TSPEAR: variants seen among roughly 807,000 people sequenced by gnomAD.
TSPEAR encodes thrombospondin-type laminin G domain and EAR repeat-containing protein.
In TSPEAR, 69 loss-of-function variants were observed where a neutral mutation model predicts 71.6. That is an observed-to-expected ratio of 0.96 (90% CI 0.79 to 1.18). The LOEUF is 1.18. Ranked by LOEUF, TSPEAR falls within the 50% of genes most tolerant of loss-of-function variation. TSPEAR has a pLI of 0.00. For synonymous variants in TSPEAR, 402 were observed against 387.2 expected (o/e 1.04, Z -0.45); for missense variants, 971 against 894.9 (o/e 1.09, Z -1.09).
chr21:44,508,170 C>T (rs1053228808), intron 10 of TSPEAR: 4 of 153,126 alleles, frequency 2.6e-5, no homozygotes, highest in Admixed American at 1.3e-4. Flanking sequence ...TCTGCACGTC[C>T]GTGGGCACGC....
intron 1 of TSPEAR, among the ~76,000 whole-genome samples, chr21:44,649,569 C>T (rs1984650197): frequency 6.6e-6 from 1 of 152,232 alleles, no homozygotes; most frequent in Admixed American, 6.5e-5. Flanking sequence ...CCGTGTGGCC[C>T]ACACGCATGC....
At chr21:44,682,340 A>G (rs1029047678) in intron 1 of TSPEAR, among the ~76,000 whole-genome samples, 4 of 152,042 alleles carry the variant, frequency 2.6e-5, no homozygotes, top group Non-Finnish European at 5.9e-5. Flanking sequence ...GACTAATTGC[A>G]CCCTCTTCAA....
intron 1 of TSPEAR, among the ~76,000 whole-genome samples, chr21:44,709,095 C>A (rs1988085430): frequency 6.6e-6 from 1 of 152,018 alleles, no homozygotes; most frequent in African/African-American, 2.4e-5. Context: ...GCACTCCCAG[C>A]CTCCCAGCCT....
At position 44,687,962 on chromosome 21, in the gene TSPEAR, C is replaced by T. The variant is rs1472281009; in HGVS notation, c.82+23471G>A. ...AGAGGCCGGCTCGGGGGTGAGTATCCGATCAAGCACAGTGAGTGACGTGCC... is the reference window on the plus strand; with the variant it reads ...AGAGGCCGGCTCGGGGGTGAGTATCTGATCAAGCACAGTGAGTGACGTGCC... On this transcript the variant is annotated intron_variant, in intron 1 of 11. Coordinates refer to ENST00000323084, the MANE Select transcript of TSPEAR (RefSeq NM_144991.3). The surrounding 1 kb of genome is among the most constrained non-coding windows in gnomAD (Gnocchi z 4.4). Among the ~76,000 whole-genome samples, 1 of 152,148 alleles carries T rather than the reference C, an allele frequency of 6.6e-6. No individual in the cohort carries two copies. Among genetic ancestry groups the T allele is most frequent in the Admixed American group, 6.5e-5 (1 of 15,280 alleles).
chr21:44,531,579 G>T (rs782388910), intron 3 of TSPEAR, among the ~76,000 whole-genome samples: 154 of 150,478 alleles, frequency 1.0e-3, no homozygotes, highest in Non-Finnish European at 1.8e-3. Flanking sequence ...ATGAATTCGG[G>T]GGGGGCACTT....
intron 11 of TSPEAR, among the ~76,000 whole-genome samples, chr21:44,504,535 G>GTA (rs2052149730): frequency 7.7e-6 from 1 of 129,220 alleles, no homozygotes; most frequent in African/African-American, 3.4e-5. Flanking sequence ...CGGCCTCGGT[G>GTA]AGCCCACAGT....
chr21:44,518,470 G>A lies in TSPEAR; in HGVS notation c.1566+3413C>T, dbSNP rs1183687487. 7.9e-6 allele frequency: 3 copies of A among 379,036 alleles called. No individual in the cohort carries two copies. In the Admixed American group the frequency reaches 1.1e-4, roughly 13 times the overall value. The allele number at this position is 379,036 out of a possible 1,614,324, so 23.5% of individuals were successfully genotyped here. ...GATCTAGGATGATAATCTCCAAAAC[G>A]CACTCCCCAACCCACTGCAGGGATC... On this transcript the variant is annotated intron_variant, in intron 9 of 11. Transcript: ENST00000323084.
At chr21:44,536,142 T>G (rs2053087275) in intron 2 of TSPEAR, among the ~76,000 whole-genome samples, 3 of 152,206 alleles carry the variant, frequency 2.0e-5, no homozygotes, top group African/African-American at 7.2e-5. Flanking sequence ...CCATGGCTGA[T>G]GGAGAGGAGG....
chr21:44,648,155 C>T (rs587607288), intron 1 of TSPEAR, among the ~76,000 whole-genome samples: 18 of 152,310 alleles, frequency 1.2e-4, no homozygotes, highest in African/African-American at 3.6e-4. Flanking sequence ...GTTACTCAGA[C>T]GTCACTCATC....
rs587645770 is a variant in TSPEAR, at chr21:44,506,424, C to G, written c.1755-1543G>C. Among the ~76,000 whole-genome samples, 13 of 152,366 alleles carry G rather than the reference C, an allele frequency of 8.5e-5. No homozygotes were observed. In the South Asian group the frequency reaches 1.9e-3, roughly 22 times the overall value. ...TCAGGGCTGTGGCCAGTTCAGGCAG[C>G]AGAGGGGCCTCATCCCGGTGCTTCC... On this transcript the variant is annotated intron_variant, in intron 10 of 11. Transcript: ENST00000323084. The surrounding 1 kb of genome is among the most constrained non-coding windows in gnomAD (Gnocchi z 4.2).
rs201866974 is a variant in TSPEAR, at chr21:44,580,054, A to G, written c.83-12049T>C. The G allele has an allele frequency of 4.6e-5, 74 of 1,593,692 alleles. 1 individual carries two copies. Among genetic ancestry groups the G allele is most frequent in the Middle Eastern group, 3.3e-4 (2 of 6,008 alleles). On this transcript the variant is annotated intron_variant, in intron 1 of 11. Transcript: ENST00000323084. ...TGCAGCAGACAGGCTTGCAACAGAC[A>G]GGCACGTAGCAGGACTGCTGGCAGG... is the stretch of plus-strand genomic sequence containing the variant.
chr21:44,613,375 G>C (rs1981851805), intron 1 of TSPEAR, among the ~76,000 whole-genome samples: 1 of 152,148 alleles, frequency 6.6e-6, no homozygotes, highest in Non-Finnish European at 1.5e-5. Context: ...TCCCAGGAAG[G>C]CTCAGTCCCG....
chr21:44,525,011 C>CCAGT (rs1336774106), intron 8 of TSPEAR, among the ~76,000 whole-genome samples: 3 of 149,698 alleles, frequency 2.0e-5, no homozygotes, highest in Non-Finnish European at 4.5e-5. Flanking sequence ...AGCCAGCCAG[C>CCAGT]CAGTCAGATA....
chr21:44,598,215 C>T (rs1980499041), intron 1 of TSPEAR, among the ~76,000 whole-genome samples: 1 of 152,230 alleles, frequency 6.6e-6, no homozygotes, highest in South Asian at 2.1e-4. Context: ...TAGATGACCC[C>T]TTCCTCCTCT....
chr21:44,545,115 C>T (rs587637567), intron 2 of TSPEAR, among the ~76,000 whole-genome samples: 46 of 151,384 alleles, frequency 3.0e-4, no homozygotes, highest in Admixed American at 5.9e-4. Flanking sequence ...GTCAGGAGAT[C>T]GAGACCATCC....
Position 44,567,902 on chromosome 21 carries a change from T to TGAGA in TSPEAR, c.182_185dup (p.Val63LeufsTer20), listed in dbSNP as rs1555921949. The TGAGA allele has an allele frequency of 6.2e-7, 1 of 1,608,428 alleles. No individual in the cohort carries two copies. The highest frequency in any genetic ancestry group is 1.7e-5 in the Admixed American group (1 of 59,552). On this transcript the variant is annotated frameshift_variant, in exon 2 of 12. Transcript: ENST00000323084. LOFTEE classifies it high-confidence loss of function. ...AGCTCATGGTGCGGGGGGCGGCTAC[T>TGAGA]GAGAGCTGGAGTCCCCGTGCACCGT... is the stretch of plus-strand genomic sequence containing the variant.
chr21:44,710,145 G>A lies in TSPEAR; in HGVS notation c.82+1288C>T, dbSNP rs782431639. Among the ~76,000 whole-genome samples the A allele has an allele frequency of 2.6e-5, 4 of 152,152 alleles. No homozygotes were observed. The highest frequency in any genetic ancestry group is 5.9e-5 in the Non-Finnish European group (4 of 68,034). On this transcript the variant is annotated intron_variant, in intron 1 of 11. Transcript: ENST00000323084. The surrounding 1 kb of genome is among the most constrained non-coding windows in gnomAD (Gnocchi z 4.6). ...CCGGGGTCCTCGAGCAGGGGAGGGA[G>A]AAAGGCTGGCGCTGCGCCCTCCATC...
At chr21:44,638,131 T>G (rs781849229) in intron 1 of TSPEAR, 29 of 1,613,012 alleles carry the variant, frequency 1.8e-5, no homozygotes, top group East Asian at 6.7e-5. Context: ...GCTCCCGCCC[T>G]GCCTGCTACA....
intron 1 of TSPEAR, among the ~76,000 whole-genome samples, chr21:44,655,436 G>A (rs1183595661): frequency 1.3e-5 from 2 of 152,206 alleles, no homozygotes; most frequent in Non-Finnish European, 2.9e-5. Context: ...GCTCAGGCGT[G>A]TGACCACAGT....
Sources: gnomAD v4.1 joint callset for allele counts (sites outside exome capture counted in the v4.1 genomes callset) on GRCh38, gnomAD v4.1.1 for gene constraint, Gnocchi (gnomAD v3.1) non-coding constraint, MANE v1.5 for transcripts, NCBI Gene and HGNC (gene_info 2026-07-23, HGNC 2026-07-21) for gene names.